The following HPSE2 variants were observed in gnomAD, a reference collection of about 807,000 sequenced individuals.
The protein encoded by HPSE2 is heparanase 2 (inactive), also known as inactive heparanase-2.
A neutral mutation model predicts 60.5 loss-of-function variants in HPSE2; 38 were observed. The observed-to-expected ratio is 0.63, with a 90% CI of 0.48 to 0.82. The LOEUF (loss-of-function observed/expected upper bound fraction) is 0.82, where lower values mean the gene tolerates loss of function less well. Ranked by LOEUF, HPSE2 falls within the 40% of genes least tolerant of loss-of-function variation. HPSE2 has a pLI of 0.00. For missense variants in HPSE2, 713 were observed against 740.4 expected, an observed-to-expected ratio of 0.96 and a Z score of 0.43; for synonymous variants, 295 against 293.2, an observed-to-expected ratio of 1.01 and a Z score of -0.06.
intron 9 of HPSE2, among the ~76,000 whole-genome samples, chr10:98,609,136 T>C (rs7475778): frequency 0.79 from 120,133 of 152,084 alleles, 49,629 homozygotes; most frequent in Non-Finnish European, 0.91. Flanking sequence ...AGCTCAGGCA[T>C]TGTTTCCTCC....
intron 7 of HPSE2, among the ~76,000 whole-genome samples, chr10:98,626,633 C>G (rs967781700): frequency 6.6e-6 from 1 of 151,884 alleles, no homozygotes; most frequent in African/African-American, 2.4e-5. Context: ...AGACAGTGGC[C>G]CCAGCTGGGA....
chr10:99,266,904 T>A, the HPSE2 span, among the ~76,000 whole-genome samples: 1 of 151,780 alleles, frequency 6.6e-6, no homozygotes, highest in East Asian at 1.9e-4. Flanking sequence ...CAAATAACAA[T>A]CACTACAGTT....
At chr10:98,553,070 A>C (rs1420113932) in intron 9 of HPSE2, among the ~76,000 whole-genome samples, 1 of 152,182 alleles carries the variant, frequency 6.6e-6, no homozygotes, top group Non-Finnish European at 1.5e-5. Flanking sequence ...ATAATTTTGC[A>C]ATTAGTCTCA....
chr10:98,926,365 G>GAAACAGAAT (rs1954463005), intron 3 of HPSE2, among the ~76,000 whole-genome samples: 1 of 152,122 alleles, frequency 6.6e-6, no homozygotes, highest in Non-Finnish European at 1.5e-5. Context: ...AGATGGTAGT[G>GAAACAGAAT]AAACAGAATT....
At chr10:99,315,120 A>G in the HPSE2 span, among the ~76,000 whole-genome samples, 3 of 152,240 alleles carry the variant, frequency 2.0e-5, no homozygotes, top group African/African-American at 7.2e-5. Context: ...AACTAGGGAC[A>G]TAGTATTAAA....
At chr10:99,278,911 A>C in the HPSE2 span, among the ~76,000 whole-genome samples, 1 of 152,190 alleles carries the variant, frequency 6.6e-6, no homozygotes, top group African/African-American at 2.4e-5. Context: ...ATGGAGAATA[A>C]GAATAATCAT....
intron 2 of HPSE2, among the ~76,000 whole-genome samples, chr10:99,206,279 C>T (rs1227424577): frequency 6.6e-6 from 1 of 152,080 alleles, no homozygotes; most frequent in Non-Finnish European, 1.5e-5. Flanking sequence ...CAAAAGAAGG[C>T]TATTAGTACT....
chr10:98,867,661 A>G lies in HPSE2; in HGVS notation c.611-123605T>C, dbSNP rs187422038. 7.6e-4 allele frequency among the ~76,000 whole-genome samples: 116 copies of G among 152,316 alleles called. 1 individual carries two copies. Among genetic ancestry groups the G allele is most frequent in the African/African-American group, 2.7e-3 (112 of 41,574 alleles). On this transcript the variant is annotated intron_variant, in intron 3 of 11. Transcript: ENST00000370552. ...TGCTGGATATACACCCCAAAGAAAG[A>G]AAATTAGTATATCAAAGAGTTATCT... is the stretch of plus-strand genomic sequence containing the variant.
rs575326372 is a variant in HPSE2, at chr10:98,801,891, C to G, written c.611-57835G>C. 1.7e-3 allele frequency among the ~76,000 whole-genome samples: 255 copies of G among 152,194 alleles called. 3 individuals carry two copies. Among genetic ancestry groups the G allele is most frequent in the African/African-American group, 5.3e-3 (220 of 41,538 alleles). Reference sequence around the variant, plus strand: ...AAGATCCAGAATAGCCGAACCTACCCTGGGCAAAAAGAACAAAACTGAAAT... The same window carrying G: ...AAGATCCAGAATAGCCGAACCTACCGTGGGCAAAAAGAACAAAACTGAAAT... On this transcript the variant is annotated intron_variant, in intron 3 of 11. Coordinates refer to ENST00000370552, the MANE Select transcript of HPSE2 (RefSeq NM_021828.5).
intron 2 of HPSE2, among the ~76,000 whole-genome samples, chr10:99,149,752 C>T (rs771174151): frequency 1.3e-5 from 2 of 152,000 alleles, no homozygotes; most frequent in Non-Finnish European, 2.9e-5. Flanking sequence ...ATGTCTTTAT[C>T]AGACATAATA....
chr10:98,473,648 T>G (rs1238205369), intron 11 of HPSE2, among the ~76,000 whole-genome samples: 2 of 152,134 alleles, frequency 1.3e-5, no homozygotes, highest in Non-Finnish European at 2.9e-5. Flanking sequence ...TGAGGAATGG[T>G]TGAAGGATCT....
At chr10:98,935,965 G>A (rs778446398) in intron 3 of HPSE2, among the ~76,000 whole-genome samples, 4 of 144,864 alleles carry the variant, frequency 2.8e-5, no homozygotes, top group East Asian at 2.0e-4. Context: ...GTAAGCCCCT[G>A]ACTGGAGCTG....
intron 7 of HPSE2, among the ~76,000 whole-genome samples, chr10:98,634,110 C>T (rs1187283065): frequency 6.6e-6 from 1 of 152,182 alleles, no homozygotes; most frequent in African/African-American, 2.4e-5. Context: ...CTATTCAACA[C>T]TACCACAAAG....
chr10:99,053,876 C>T (rs184575864), intron 3 of HPSE2, among the ~76,000 whole-genome samples: 218 of 151,354 alleles, frequency 1.4e-3, no homozygotes, highest in Non-Finnish European at 2.6e-3. Flanking sequence ...TACAGGTGCA[C>T]GCTGCCACGC....
chr10:99,233,368 G>C (rs1449047747), intron 1 of HPSE2, among the ~76,000 whole-genome samples: 1 of 152,178 alleles, frequency 6.6e-6, no homozygotes, highest in Non-Finnish European at 1.5e-5. Context: ...AACCGCTAGG[G>C]AAAATGAAGC....
intron 3 of HPSE2, among the ~76,000 whole-genome samples, chr10:99,003,706 T>C (rs147755434): frequency 2.6e-5 from 4 of 152,262 alleles, no homozygotes; most frequent in Non-Finnish European, 5.9e-5. Flanking sequence ...TTGAGTTCCT[T>C]ACACATTTTG....
intron 9 of HPSE2, among the ~76,000 whole-genome samples, chr10:98,572,031 C>A (rs1351420497): frequency 2.0e-5 from 3 of 151,790 alleles, no homozygotes; most frequent in Non-Finnish European, 4.4e-5. Context: ...CTCCCCGCCT[C>A]CTGGGTTCAA....
chr10:99,076,215 GGTGTTTTCTTT>G (rs1003789534), intron 3 of HPSE2, among the ~76,000 whole-genome samples: 34 of 150,012 alleles, frequency 2.3e-4, no homozygotes, highest in Non-Finnish European at 4.0e-4. Flanking sequence ...ATCTTCTATA[GGTGTTTTCTTT>G]GTGAATGCCA....
chr10:98,732,626 A>C (rs1489121752), intron 4 of HPSE2, among the ~76,000 whole-genome samples: 1 of 152,170 alleles, frequency 6.6e-6, no homozygotes, highest in African/African-American at 2.4e-5. Context: ...GTTCACAAAA[A>C]TTAACTCCTA....
Sources: gnomAD v4.1 joint callset for allele counts (sites outside exome capture counted in the v4.1 genomes callset) on GRCh38, gnomAD v4.1.1 for gene constraint, MANE v1.5 for transcripts, NCBI Gene and HGNC (gene_info 2026-07-23, HGNC 2026-07-21) for gene names.